PDE4B: variants seen among roughly 807,000 people sequenced by gnomAD.
PDE4B encodes phosphodiesterase 4B.
Under a neutral mutation model 82.2 loss-of-function variants are expected in PDE4B, and 20 were observed. The observed-to-expected ratio is 0.24, with a 90% confidence interval of 0.17 to 0.35. The LOEUF (loss-of-function observed/expected upper bound fraction) is 0.35, where lower values mean the gene tolerates loss of function less well. PDE4B is among the 10% of genes least tolerant of loss of function. PDE4B has a pLI of 1.00. For synonymous variants in PDE4B, 320 were observed against 318.9 expected, an observed-to-expected ratio of 1.00 and a Z score of -0.04; for missense variants, 655 against 907.2, an observed-to-expected ratio of 0.72 and a Z score of 3.57.
At chr1:66,182,630 C>T (rs1647093632) in intron 3 of PDE4B, among the ~76,000 whole-genome samples, 3 of 152,246 alleles carry the variant, frequency 2.0e-5, no homozygotes, top group Admixed American at 2.0e-4. Context: ...TCAGATGTCA[C>T]CCTGGGAGAA....
intron 3 of PDE4B, among the ~76,000 whole-genome samples, chr1:66,149,323 A>G (rs1646344556): frequency 6.6e-6 from 1 of 152,066 alleles, no homozygotes; most frequent in Admixed American, 6.6e-5. Flanking sequence ...TTTTTAAACT[A>G]TTGAGTTATT....
chr1:66,277,772 C>G (rs1169736467), intron 7 of PDE4B, among the ~76,000 whole-genome samples: 1 of 152,186 alleles, frequency 6.6e-6, no homozygotes, highest in Non-Finnish European at 1.5e-5. Context: ...CTCCCAGTAC[C>G]TGTATTTTCT....
intron 9 of PDE4B, among the ~76,000 whole-genome samples, chr1:66,356,531 A>G (rs1662258682): frequency 6.6e-6 from 1 of 152,244 alleles, no homozygotes. Context: ...CTCACTTTCC[A>G]GGGAAGCGAC....
intron 3 of PDE4B, among the ~76,000 whole-genome samples, chr1:66,139,735 C>CAAAAAAAA (rs10654385): frequency 3.0e-5 from 3 of 100,040 alleles, no homozygotes; most frequent in African/African-American, 7.5e-5. Flanking sequence ...CCTCCCCCCT[C>CAAAAAAAA]AAAAAAAAAA....
chr1:65,958,703 T>G (rs1285226823), intron 3 of PDE4B, among the ~76,000 whole-genome samples: 1 of 151,860 alleles, frequency 6.6e-6, no homozygotes. Flanking sequence ...CCATTTTGAC[T>G]AAGTTTTTTA....
intron 2 of PDE4B, among the ~76,000 whole-genome samples, chr1:65,917,417 A>G (rs1044718473): frequency 1.3e-5 from 2 of 152,214 alleles, no homozygotes; most frequent in African/African-American, 4.8e-5. Flanking sequence ...GCCTGATGCT[A>G]GGACTTCCGT....
intron 7 of PDE4B, among the ~76,000 whole-genome samples, chr1:66,308,889 C>T (rs189655604): frequency 3.0e-4 from 45 of 152,188 alleles, no homozygotes; most frequent in South Asian, 1.5e-3. Flanking sequence ...GATATAGTTA[C>T]TAAAAAATTA....
At chr1:65,862,183 G>C (rs1646461736) in intron 1 of PDE4B, among the ~76,000 whole-genome samples, 1 of 152,072 alleles carries the variant, frequency 6.6e-6, no homozygotes, top group Non-Finnish European at 1.5e-5. Context: ...TTGGCTATGG[G>C]TTTGTCATAA....
Position 66,050,881 on chromosome 1 carries a change from A to T in PDE4B, c.281+132046A>T, listed in dbSNP as rs1654988363. 2.0e-5 allele frequency among the ~76,000 whole-genome samples: 3 copies of T among 152,092 alleles called. No individual in the cohort carries two copies. The South Asian group carries it at 6.2e-4, about 32-fold the overall frequency. On this transcript the variant is annotated intron_variant, in intron 3 of 16. Coordinates refer to ENST00000341517, the MANE Select transcript of PDE4B (RefSeq NM_002600.4). ...CAGACTGAAAAATGAGGAAGGGAAA[A>T]GCAATGGGAGGAAGAGGTGCCATGA...
At chr1:66,283,055 T>C (rs1460383209) in intron 7 of PDE4B, among the ~76,000 whole-genome samples, 2 of 152,186 alleles carry the variant, frequency 1.3e-5, no homozygotes, top group Admixed American at 1.3e-4. Flanking sequence ...TGAGTGCTTA[T>C]GAGTGCTGGG....
intron 3 of PDE4B, among the ~76,000 whole-genome samples, chr1:66,092,938 C>A (rs1645052107): frequency 6.6e-6 from 1 of 152,036 alleles, no homozygotes; most frequent in African/African-American, 2.4e-5. Flanking sequence ...CCATGTTGAG[C>A]ATTTAGCAGA....
intron 7 of PDE4B, among the ~76,000 whole-genome samples, chr1:66,323,292 T>C (rs1390344756): frequency 6.6e-6 from 1 of 152,152 alleles, no homozygotes; most frequent in East Asian, 1.9e-4. Flanking sequence ...CACTTAATTC[T>C]TATTCCTCAA....
chr1:66,224,915 C>T (rs536033435), intron 3 of PDE4B, among the ~76,000 whole-genome samples: 26 of 152,148 alleles, frequency 1.7e-4, no homozygotes, highest in Admixed American at 9.8e-4. Flanking sequence ...GCCCGTCTGT[C>T]GCATTCTTAC....
chr1:66,334,072 G>A (rs1182810643), intron 8 of PDE4B, among the ~76,000 whole-genome samples: 3 of 152,154 alleles, frequency 2.0e-5, no homozygotes, highest in Non-Finnish European at 4.4e-5. Flanking sequence ...ACTTTCACAA[G>A]GCTTGAGCCT....
At chr1:66,163,488 A>T (rs1646659124) in intron 3 of PDE4B, among the ~76,000 whole-genome samples, 1 of 152,066 alleles carries the variant, frequency 6.6e-6, no homozygotes, top group South Asian at 2.1e-4. Flanking sequence ...TTACATAACC[A>T]TTATATTATT....
chr1:66,301,956 A>C (rs1657926734), intron 7 of PDE4B, among the ~76,000 whole-genome samples: 1 of 152,178 alleles, frequency 6.6e-6, no homozygotes, highest in Non-Finnish European at 1.5e-5. Flanking sequence ...TGCTCAGCCA[A>C]CTTATTGACT....
At chr1:65,940,885 A>G (rs1260047218) in intron 3 of PDE4B, among the ~76,000 whole-genome samples, 1 of 152,096 alleles carries the variant, frequency 6.6e-6, no homozygotes, top group African/African-American at 2.4e-5. Flanking sequence ...TAATACTTTA[A>G]TAGCTCATTT....
chr1:65,802,623 GT>G (rs1409686381), intron 1 of PDE4B, among the ~76,000 whole-genome samples: 3 of 152,132 alleles, frequency 2.0e-5, no homozygotes, highest in Admixed American at 2.0e-4. Context: ...TAGATATGGG[GT>G]AGGAAACCAC....
intron 8 of PDE4B, among the ~76,000 whole-genome samples, chr1:66,348,356 G>A (rs1157117445): frequency 6.6e-6 from 1 of 152,032 alleles, no homozygotes; most frequent in Non-Finnish European, 1.5e-5. Context: ...AAAGGTTTCT[G>A]CTAAATTTAA....
Sources: allele counts gnomAD v4.1 joint callset (sites outside exome capture counted in the v4.1 genomes callset), GRCh38; gene constraint gnomAD v4.1.1; transcripts MANE v1.5; gene names NCBI Gene and HGNC (gene_info 2026-07-23, HGNC 2026-07-21).